FNTB: variants seen among roughly 807,000 people sequenced by gnomAD.
The protein encoded by FNTB is protein farnesyltransferase subunit beta.
A neutral mutation model predicts 59.4 loss-of-function variants in FNTB; 27 were observed. That is an observed-to-expected ratio of 0.45 (90% confidence interval 0.34 to 0.63). The LOEUF (loss-of-function observed/expected upper bound fraction) is 0.63. Among genes scored for constraint, FNTB ranks in the 20% least tolerant of loss-of-function variants. FNTB has a pLI of 0.02. For synonymous variants in FNTB, 230 were observed against 220.7 expected, an observed-to-expected ratio of 1.04 and a Z score of -0.37; for missense variants, 449 against 559.6, an observed-to-expected ratio of 0.80 and a Z score of 1.99.
intron 4 of FNTB, among the ~76,000 whole-genome samples, chr14:65,017,612 AG>A (rs2061801996): frequency 6.6e-6 from 1 of 152,222 alleles, no homozygotes; most frequent in African/African-American, 2.4e-5. Flanking sequence ...TTTCATTGGA[AG>A]CAATCTAAAT....
rs2139500655 is a variant in FNTB, at chr14:65,009,325, T to C, written c.210-2992T>C. 6.6e-6 allele frequency among the ~76,000 whole-genome samples: 1 copy of C among 152,262 alleles called. No homozygotes were observed. The highest frequency in any genetic ancestry group is 1.5e-5 in the Non-Finnish European group (1 of 68,010). On this transcript the variant is annotated intron_variant, in intron 2 of 11. Coordinates refer to ENST00000246166, the MANE Select transcript of FNTB (RefSeq NM_002028.4). The surrounding 1 kb of genome is among the most constrained non-coding windows in gnomAD (Gnocchi z 4.2). ...CTGCTGACTGGCTTCACCAACATGT[T>C]ATATTTCTTAATTTCACTGGCGCTT...
At chr14:65,049,278 C>T (rs1381515537) in intron 9 of FNTB, among the ~76,000 whole-genome samples, 1 of 152,194 alleles carries the variant, frequency 6.6e-6, no homozygotes, top group Admixed American at 6.5e-5. Flanking sequence ...TTCTTTTGGA[C>T]ATACCCTGGA....
chr14:65,026,264 G>T (rs565164633), intron 4 of FNTB, among the ~76,000 whole-genome samples: 1 of 152,186 alleles, frequency 6.6e-6, no homozygotes, highest in African/African-American at 2.4e-5. Context: ...ACCCTTTCTG[G>T]TGCACTTCGG....
chr14:65,018,494 C>A (rs1033914170), intron 4 of FNTB, among the ~76,000 whole-genome samples: 1 of 152,004 alleles, frequency 6.6e-6, no homozygotes, highest in Non-Finnish European at 1.5e-5. Context: ...TATTTCTGGA[C>A]GATGGGGTTA....
In FNTB at chr14:65,058,256, A is replaced by AT. The variant is rs202128758; in HGVS notation, c.1183-2913dup. ...ATAATTTTTTCCATAAAGGACTAGCATTTTTTTTTTTTCGGTTAGAGTTAT... is the reference window on the plus strand; with the variant it reads ...ATAATTTTTTCCATAAAGGACTAGCATTTTTTTTTTTTTCGGTTAGAGTTAT... On this transcript the variant is annotated intron_variant, in intron 11 of 11. Transcript: ENST00000246166. Among the ~76,000 whole-genome samples the AT allele has an allele frequency of 5.7e-3, 724 of 127,478 alleles. 1 individual carries two copies. Among genetic ancestry groups the AT allele is most frequent in the South Asian group, 0.011 (45 of 4,162 alleles). The allele number at this position is 127,478 out of a possible 152,430, so 83.6% of individuals were successfully genotyped here.
rs958932006 is a variant in FNTB at position 65,004,160 on chromosome 14, A to G, written c.145-89A>G. ...CAGACCATACCAACCAACCCTCGCC[A>G]ATAGGCATTTGTGGCAATAGGAAGA... is the stretch of plus-strand genomic sequence containing the variant. On this transcript the variant is annotated intron_variant, in intron 1 of 11. Coordinates refer to ENST00000246166, the MANE Select transcript of FNTB (RefSeq NM_002028.4). The G allele has an allele frequency of 3.2e-5, 46 of 1,459,226 alleles. No homozygotes were observed. In the African/African-American group the frequency reaches 5.2e-4, roughly 16 times the overall value. The allele number at this position is 1,459,226 out of a possible 1,614,324, so 90.4% of individuals were successfully genotyped here.
chr14:65,029,654 T>A lies in FNTB; in HGVS notation c.605+1873T>A, dbSNP rs1249616827. On this transcript the variant is annotated intron_variant, in intron 6 of 11. Coordinates refer to ENST00000246166, the MANE Select transcript of FNTB (RefSeq NM_002028.4). This position sits in a 1 kb window ranked among gnomAD's most constrained non-coding sequence, Gnocchi z 4.7. ...CAGGGATCTAGCATTTGCAGAAGTT[T>A]GGTGAGAAAGCATGTGTTGCTCAAG... Among the ~76,000 whole-genome samples the A allele has an allele frequency of 6.6e-6, 1 of 152,142 alleles. No homozygotes were observed. Among genetic ancestry groups the A allele is most frequent in the Non-Finnish European group, 1.5e-5 (1 of 68,028 alleles).
chr14:64,995,904 G>A (rs112106853), intron 1 of FNTB, among the ~76,000 whole-genome samples: 101 of 151,114 alleles, frequency 6.7e-4, no homozygotes, highest in African/African-American at 2.3e-3. Flanking sequence ...GCTGAGGCAC[G>A]CGAATCTCCT....
At position 65,054,825 on chromosome 14, in the gene FNTB, G is replaced by C; in HGVS notation, c.1182+136G>C. On this transcript the variant is annotated intron_variant, in intron 11 of 11. Coordinates refer to ENST00000246166, the MANE Select transcript of FNTB (RefSeq NM_002028.4). The surrounding 1 kb of genome is among the most constrained non-coding windows in gnomAD (Gnocchi z 4.4). ...TTGTGGTCCCTCTGCCCTTCGAGCT[G>C]TGCAGCCGTTAGTGAGGATGTGACC... The C allele has an allele frequency of 1.0e-6, 1 of 973,650 alleles. No individual in the cohort carries two copies. Among genetic ancestry groups the C allele is most frequent in the Non-Finnish European group, 1.5e-6 (1 of 661,662 alleles). 60.3% of individuals were successfully genotyped at this position (973,650 alleles called of 1,614,324 possible). A position where few individuals can be genotyped will look rare whatever the true frequency, so the allele number is the denominator to read the frequency against.
intron 7 of FNTB, among the ~76,000 whole-genome samples, chr14:65,034,284 A>C (rs2062145515): frequency 6.6e-6 from 1 of 152,134 alleles, no homozygotes; most frequent in South Asian, 2.1e-4. Flanking sequence ...CATGAAATTC[A>C]CTTCATTTCT....
At chr14:65,017,139 T>G (rs190655348) in intron 4 of FNTB, among the ~76,000 whole-genome samples, 6 of 152,150 alleles carry the variant, frequency 3.9e-5, no homozygotes, top group Admixed American at 3.9e-4. Context: ...ACCAGGCTGG[T>G]CTTGAACTCC....
intron 3 of FNTB, among the ~76,000 whole-genome samples, chr14:65,013,337 T>TC (rs397771332): frequency 5.3e-5 from 8 of 151,516 alleles, no homozygotes; most frequent in African/African-American, 1.7e-4. Flanking sequence ...TTTTTTTTTT[T>TC]CTTCCTCCAA....
At chr14:65,043,859 A>G (rs1466859364) in intron 8 of FNTB, among the ~76,000 whole-genome samples, 2 of 143,110 alleles carry the variant, frequency 1.4e-5, no homozygotes, top group Non-Finnish European at 3.1e-5. Context: ...AAAAAAAAAA[A>G]AGAAATGTAG....
chr14:65,053,122 G>C (rs76154748), intron 9 of FNTB, 116 bp from the exon 10 acceptor site: 19,106 of 716,886 alleles, frequency 0.027, 303 homozygotes, highest in Non-Finnish European at 0.032. Context: ...AAGAATGAAT[G>C]GAAGAGGAAG....
At chr14:64,999,176 G>T (rs1390507435) in intron 1 of FNTB, among the ~76,000 whole-genome samples, 3 of 152,248 alleles carry the variant, frequency 2.0e-5, no homozygotes, top group African/African-American at 7.2e-5. Flanking sequence ...GGTGGCTCAT[G>T]CCTGTAATCC....
intron 1 of FNTB, among the ~76,000 whole-genome samples, chr14:64,988,612 T>G (rs1456299660): frequency 6.6e-6 from 1 of 151,986 alleles, no homozygotes; most frequent in Non-Finnish European, 1.5e-5. Flanking sequence ...TTTTTGTATT[T>G]TAGTAGAGAC....
In FNTB at chr14:65,027,344, C is replaced by T; in HGVS notation, c.375-109C>T. The T allele has an allele frequency of 6.6e-7, 1 of 1,524,526 alleles. No individual in the cohort carries two copies. The highest frequency in any genetic ancestry group is 8.9e-7 in the Non-Finnish European group (1 of 1,129,714). The allele number at this position is 1,524,526 out of a possible 1,614,324, so 94.4% of individuals were successfully genotyped here. The stretch of plus-strand genomic sequence containing the variant: ...AAGTGGGAGGAGAGGTTCCCCTCAA[C>T]TTTTGAGGGAGTGGGGGATCATTGG... On this transcript the variant is annotated intron_variant, in intron 4 of 11. Coordinates refer to ENST00000246166, the MANE Select transcript of FNTB (RefSeq NM_002028.4). This position sits in a 1 kb window ranked among gnomAD's most constrained non-coding sequence, Gnocchi z 5.7.
rs574275406 is a variant in FNTB, at chr14:65,030,717, G to T, written c.606-1893G>T. On this transcript the variant is annotated intron_variant, in intron 6 of 11. Transcript: ENST00000246166. The surrounding 1 kb of genome is among the most constrained non-coding windows in gnomAD (Gnocchi z 4.5). ...ATAGCGCCACTGCACTGCAGCCTGG[G>T]CAACAAAGTGAGATCCTATCTTAAA... Among the ~76,000 whole-genome samples the T allele has an allele frequency of 1.2e-3, 183 of 152,092 alleles. 1 individual carries two copies. The highest frequency in any genetic ancestry group is 1.7e-3 in the Admixed American group (26 of 15,268).
chr14:65,061,050 C>A lies in FNTB; in HGVS notation c.1183-131C>A. The A allele has an allele frequency of 2.8e-6, 4 of 1,442,794 alleles. 1 individual carries two copies. Among genetic ancestry groups the A allele is most frequent in the Non-Finnish European group, 3.7e-6 (4 of 1,077,384 alleles). 89.4% of individuals were successfully genotyped at this position (1,442,794 alleles called of 1,614,324 possible). A position where few individuals can be genotyped will look rare whatever the true frequency, so the allele number is the denominator to read the frequency against. Reference sequence around the variant, plus strand: ...TTTTAGCAAATACACCATTTTTGAACCTTTGGGCTTTGTGTGTATCTCTGA... The same window carrying A: ...TTTTAGCAAATACACCATTTTTGAAACTTTGGGCTTTGTGTGTATCTCTGA... On this transcript the variant is annotated intron_variant, in intron 11 of 11. Transcript: ENST00000246166.
Sources: allele counts gnomAD v4.1 joint callset (sites outside exome capture counted in the v4.1 genomes callset), GRCh38; gene constraint gnomAD v4.1.1; non-coding constraint Gnocchi (gnomAD v3.1); transcripts MANE v1.5; gene names NCBI Gene and HGNC (gene_info 2026-07-23, HGNC 2026-07-21).